The following MFSD2B variants were observed in gnomAD, a reference collection of about 807,000 sequenced individuals.
The protein encoded by MFSD2B is sphingosine-1-phosphate transporter MFSD2B.
Under a neutral mutation model 58.4 loss-of-function variants are expected in MFSD2B, and 56 were observed. The ratio of observed to expected loss-of-function variants is 0.96; its 90% confidence interval spans 0.77 to 1.20. MFSD2B has a LOEUF of 1.20. Ranked by LOEUF, MFSD2B falls within the 50% of genes most tolerant of loss-of-function variation. The probability of loss-of-function intolerance (pLI) is 0.00; values close to 1 mark genes in which losing one functional copy is unlikely to be tolerated. For synonymous variants in MFSD2B, 287 were observed against 294.4 expected, an observed-to-expected ratio of 0.97 and a Z score of 0.26; for missense variants, 645 against 667.6, an observed-to-expected ratio of 0.97 and a Z score of 0.37.
rs1050488769 is a variant in MFSD2B, at chr2:24,026,637, C to T, written c.*1181C>T. 2 of 152,242 alleles carry T rather than the reference C, an allele frequency of 1.3e-5. No homozygotes were observed. The highest frequency in any genetic ancestry group is 4.8e-5 in the African/African-American group (2 of 41,462). The allele number at this position is 152,242 out of a possible 1,614,324, so 9.4% of individuals were successfully genotyped here. ...CAGAGAGCTTCTAGGTTGGTGAACA[C>T]ATCCATGTACCAGGAGGTCTACCCC... On this transcript the variant is annotated 3_prime_UTR_variant, in exon 14 of 14. Transcript: ENST00000338315.
At chr2:24,011,427 G>C (rs762194121) in intron 1 of MFSD2B, among the ~76,000 whole-genome samples, 3 of 152,222 alleles carry the variant, frequency 2.0e-5, no homozygotes, top group Non-Finnish European at 4.4e-5. Context: ...ACAAATGTCA[G>C]AAAAGAATCA....
At chr2:24,010,964 C>A (rs937119039) in intron 1 of MFSD2B, among the ~76,000 whole-genome samples, 3 of 152,214 alleles carry the variant, frequency 2.0e-5, no homozygotes, top group African/African-American at 7.2e-5. Context: ...ACTCTCACTT[C>A]CCAGGGAAAC....
rs1263789827 is a variant in MFSD2B, at chr2:24,022,852, G to A, written c.1009G>A (p.Glu337Lys). 6.2e-7 allele frequency: 1 copy of A among 1,610,236 alleles called. No individual in the cohort carries two copies. Among genetic ancestry groups the A allele is most frequent in the African/African-American group, 1.3e-5 (1 of 74,874 alleles). The part of the protein sequence containing the change: ...VSAVLSTPLW[E>K]WVLQRFGKKT... ...AGCCGTGCTGAGCACCCCGCTGTGG[G>A]AGTGGGTTCTCCAGCGCTTTGGGAA... The change falls in exon 10 of 14, where the codon GAG becomes AAG. Residue 337 changes from glutamate to lysine, a missense_variant. Coordinates refer to ENST00000338315, the MANE Select transcript of MFSD2B (RefSeq NM_001346880.2). This position sits in a 1 kb window ranked among gnomAD's most constrained non-coding sequence, Gnocchi z 4.5.
chr2:24,018,734 G>C (rs552189008), intron 6 of MFSD2B: 2 of 166,214 alleles, frequency 1.2e-5, no homozygotes, highest in Admixed American at 1.3e-4. Context: ...AAAAAAAAAA[G>C]GAGTTTGAGC....
chr2:24,023,125 C>T lies in MFSD2B; in HGVS notation c.1060-5C>T. 1 of 1,609,238 alleles carries T rather than the reference C, an allele frequency of 6.2e-7. No individual in the cohort carries two copies. The highest frequency in any genetic ancestry group is 8.5e-7 in the Non-Finnish European group (1 of 1,177,858). On this transcript the variant is annotated splice_polypyrimidine_tract_variant and splice_region_variant and intron_variant, in intron 10 of 13. Transcript: ENST00000338315. The surrounding 1 kb of genome is among the most constrained non-coding windows in gnomAD (Gnocchi z 5.0). ...GCGGGACAGCTGGTGTGTGTGTCTC[C>T]CCAGGCGATGGTGCCCTTTGCGATC...
Position 24,022,600 on chromosome 2 carries a change from GC to G in MFSD2B, c.978+86del. ...TGTGGTCCTTGATGTGACACATATG[GC>G]CAGAGTTCTGGTGGTCAACATTTTG... On this transcript the variant is annotated intron_variant, in intron 9 of 13. Transcript: ENST00000338315. This position sits in a 1 kb window ranked among gnomAD's most constrained non-coding sequence, Gnocchi z 4.5. 1 of 1,166,686 alleles carries G rather than the reference GC, an allele frequency of 8.6e-7. No homozygotes were observed. The highest frequency in any genetic ancestry group is 1.2e-6 in the Non-Finnish European group (1 of 812,120). 72.3% of individuals were successfully genotyped at this position (1,166,686 alleles called of 1,614,324 possible). A position where few individuals can be genotyped will look rare whatever the true frequency, so the allele number is the denominator to read the frequency against.
intron 1 of MFSD2B, 177 bp from the exon 2 acceptor site, chr2:24,013,108 T>C: frequency 2.0e-6 from 1 of 500,310 alleles, no homozygotes; most frequent in Non-Finnish European, 3.3e-6. Context: ...GTTTAGGATC[T>C]TTTTTCTCTT....
chr2:24,013,493 A>T, intron 2 of MFSD2B, 83 bp downstream of exon 2: 1 of 1,392,770 alleles, frequency 7.2e-7, no homozygotes, highest in Middle Eastern at 2.6e-4. Flanking sequence ...TTCTGCTCCC[A>T]CTATCCTTGT....
In MFSD2B at chr2:24,023,193, G is replaced by T. The variant is rs1466625445; in HGVS notation, c.1123G>T (p.Ala375Ser). The T allele has an allele frequency of 6.2e-7, 1 of 1,613,708 alleles. No homozygotes were observed. Among genetic ancestry groups the T allele is most frequent in the Admixed American group, 1.7e-5 (1 of 60,008 alleles). Residue 375 changes from alanine to serine, a missense_variant, in exon 11 of 14, where the codon GCC (alanine) becomes TCC (serine). Ala to Ser is a moderately conservative substitution (Grantham distance 99). Coordinates refer to ENST00000338315, the MANE Select transcript of MFSD2B (RefSeq NM_001346880.2). This position sits in a 1 kb window ranked among gnomAD's most constrained non-coding sequence, Gnocchi z 5.0. ...VPTAPVAYVVAFVSGVSIAVS... is the reference protein window; with the variant it reads ...VPTAPVAYVVSFVSGVSIAVS... The stretch of plus-strand genomic sequence containing the variant: ...CACAGCACCTGTGGCATATGTCGTG[G>T]CCTTTGTATCTGGCGTGAGCATTGC...
At position 24,017,417 on chromosome 2, in the gene MFSD2B, CCACTCCCTCTCAGTCACCTTAAGTGG is replaced by C. The variant is rs755042280; in HGVS notation, c.551-35_551-10del. On this transcript the variant is annotated splice_polypyrimidine_tract_variant and intron_variant, in intron 5 of 13. Transcript: ENST00000338315. The surrounding 1 kb of genome is among the most constrained non-coding windows in gnomAD (Gnocchi z 4.8). Reference sequence around the variant, plus strand: ...CAGGGAGGCAACTGCCCCTGGGACCCCACTCCCTCTCAGTCACCTTAAGTGGCACTCTGTCTCCAGGGATGACTGTG... The same window carrying C: ...CAGGGAGGCAACTGCCCCTGGGACCCCACTCTGTCTCCAGGGATGACTGTG... 4 of 1,596,856 alleles carry C rather than the reference CCACTCCCTCTCAGTCACCTTAAGTGG, an allele frequency of 2.5e-6. No homozygotes were observed. Among genetic ancestry groups the C allele is most frequent in the Non-Finnish European group, 3.4e-6 (4 of 1,171,994 alleles).
At position 24,021,725 on chromosome 2, in the gene MFSD2B, G is replaced by T. The variant is rs532843606; in HGVS notation, c.759G>T (p.Val253=). Residue 253 remains valine, a synonymous_variant, in exon 7 of 14, where the codon GTG becomes GTT. Transcript: ENST00000338315. This position sits in a 1 kb window ranked among gnomAD's most constrained non-coding sequence, Gnocchi z 5.7. ...GCATCAGTTTACTGTGCCTAGGGGT[G>T]AAGGAGCGGCCAGGTATGGGGTTTG... ...PVCISLLCLG[V]KERPDPSAPA... The T allele has an allele frequency of 1.2e-6, 2 of 1,613,536 alleles. No individual in the cohort carries two copies. The highest frequency in any genetic ancestry group is 2.2e-5 in the East Asian group (1 of 44,878).
intron 13 of MFSD2B, 93 bp from the exon 14 acceptor site, chr2:24,025,339 G>A: frequency 3.5e-6 from 4 of 1,130,454 alleles, no homozygotes; most frequent in South Asian, 1.3e-5. Context: ...GGAAGACAAG[G>A]AGCAGCCACC....
rs750101800 is a variant in MFSD2B at position 24,021,807 on chromosome 2, T to C, written c.773-42T>C. 6.2e-7 allele frequency: 1 copy of C among 1,613,354 alleles called. No individual in the cohort carries two copies. The highest frequency in any genetic ancestry group is 1.1e-5 in the South Asian group (1 of 91,044). ...CTCTGCTTGGGGGCAGGTTTTGCTT[T>C]TGAACTCTGCGAAGCCAAGGTGACA... On this transcript the variant is annotated intron_variant, in intron 7 of 13. Transcript: ENST00000338315. The surrounding 1 kb of genome is among the most constrained non-coding windows in gnomAD (Gnocchi z 5.7).
In MFSD2B at chr2:24,016,199, T is replaced by C. The variant is rs1403473209; in HGVS notation, c.266T>C (p.Val89Ala). 3 of 1,613,830 alleles carry C rather than the reference T, an allele frequency of 1.9e-6. No individual in the cohort carries two copies. Among genetic ancestry groups the C allele is most frequent in the Non-Finnish European group, 2.5e-6 (3 of 1,179,888 alleles). Residue 89 changes from valine (V) to alanine (A), a missense_variant, in exon 3 of 14, where the codon GTG becomes GCG. By Grantham distance (64) the Val-to-Ala change is moderately conservative. Coordinates refer to ENST00000338315, the MANE Select transcript of MFSD2B (RefSeq NM_001346880.2). ...TCACTTGTTCTGTTTGGGGGAAAAG[T>C]GTCTGGGGCGGCTGCTGACCCTGTG... ...QVSLVLFGGK[V>A]SGAAADPVAG...
intron 13 of MFSD2B, among the ~76,000 whole-genome samples, chr2:24,025,134 C>G (rs1303719124): frequency 1.3e-5 from 2 of 152,196 alleles, no homozygotes; most frequent in African/African-American, 2.4e-5. Flanking sequence ...GCGGGACAGG[C>G]AGTGGGTGGC....
At position 24,023,010 on chromosome 2, in the gene MFSD2B, C is replaced by G. The variant is rs1227840535; in HGVS notation, c.1059+108C>G. The G allele has an allele frequency of 7.3e-7, 1 of 1,363,806 alleles. No homozygotes were observed. The highest frequency in any genetic ancestry group is 1.0e-6 in the Non-Finnish European group (1 of 965,850). 84.5% of individuals were successfully genotyped at this position (1,363,806 alleles called of 1,614,324 possible). A position where few individuals can be genotyped will look rare whatever the true frequency, so the allele number is the denominator to read the frequency against. On this transcript the variant is annotated intron_variant, in intron 10 of 13. Coordinates refer to ENST00000338315, the MANE Select transcript of MFSD2B (RefSeq NM_001346880.2). This position sits in a 1 kb window ranked among gnomAD's most constrained non-coding sequence, Gnocchi z 5.0. ...GCCAGCAGGGGTGGATCTGTGTTCC[C>G]TTGAGTCTTTAGGGCCTAGCACAGG...
chr2:24,022,562 A>G lies in MFSD2B; in HGVS notation c.978+46A>G. 6.8e-7 allele frequency: 1 copy of G among 1,465,688 alleles called. No homozygotes were observed. The highest frequency in any genetic ancestry group is 1.2e-5 in the South Asian group (1 of 83,124). The allele number at this position is 1,465,688 out of a possible 1,614,324, so 90.8% of individuals were successfully genotyped here. ...GGAGGCTAGGTCACTTGGGGCCCTG[A>G]GCTGGGGACATGTGTGGTCCTTGAT... On this transcript the variant is annotated intron_variant, in intron 9 of 13. Coordinates refer to ENST00000338315, the MANE Select transcript of MFSD2B (RefSeq NM_001346880.2). The surrounding 1 kb of genome is among the most constrained non-coding windows in gnomAD (Gnocchi z 4.5).
At position 24,023,070 on chromosome 2, in the gene MFSD2B, G is replaced by A. The variant is rs1662856700; in HGVS notation, c.1060-60G>A. ...GGGGGTCGTCAGTCGAGTCGTGTGTGAAGGAGCAGGCCCCACGAAGAAGCA... is the reference window on the plus strand; with the variant it reads ...GGGGGTCGTCAGTCGAGTCGTGTGTAAAGGAGCAGGCCCCACGAAGAAGCA... On this transcript the variant is annotated intron_variant, in intron 10 of 13. Transcript: ENST00000338315. The surrounding 1 kb of genome is among the most constrained non-coding windows in gnomAD (Gnocchi z 5.0). 6.9e-7 allele frequency: 1 copy of A among 1,458,022 alleles called. No individual in the cohort carries two copies. Among genetic ancestry groups the A allele is most frequent in the Non-Finnish European group, 9.6e-7 (1 of 1,043,652 alleles). 90.3% of individuals were successfully genotyped at this position (1,458,022 alleles called of 1,614,324 possible).
intron 6 of MFSD2B, among the ~76,000 whole-genome samples, chr2:24,019,621 G>T (rs1420820419): frequency 6.6e-6 from 1 of 152,210 alleles, no homozygotes; most frequent in Non-Finnish European, 1.5e-5. Flanking sequence ...TACTTGGGAG[G>T]CTGAGGCAGG....
Sources: gnomAD v4.1 joint callset for allele counts (sites outside exome capture counted in the v4.1 genomes callset) on GRCh38, gnomAD v4.1.1 for gene constraint, Gnocchi (gnomAD v3.1) non-coding constraint, MANE v1.5 for transcripts, NCBI Gene and HGNC (gene_info 2026-07-23, HGNC 2026-07-21) for gene names.